Variants in THOC1 observed in about 807,000 individuals in gnomAD.
THOC1 encodes THO complex 1.
In THOC1, 29 loss-of-function variants were observed where a neutral mutation model predicts 97.3. The ratio of observed to expected loss-of-function variants is 0.30; its 90% confidence interval spans 0.22 to 0.41. The LOEUF is 0.41. THOC1 is among the 10% of genes least tolerant of loss of function. The pLI is 1.00. For missense variants in THOC1, 529 were observed against 761.9 expected (o/e 0.69, Z 3.60); for synonymous variants, 255 against 257.0 (o/e 0.99, Z 0.07).
intron 11 of THOC1, among the ~76,000 whole-genome samples, chr18:237,382 C>G (rs528223222): frequency 4.6e-5 from 7 of 152,054 alleles, no homozygotes; most frequent in Non-Finnish European, 8.8e-5. Context: ...ATCTCAAACT[C>G]CTGGCCTCAA....
chr18:246,086 T>C (rs980812581), intron 11 of THOC1: 12 of 308,800 alleles, frequency 3.9e-5, no homozygotes, highest in African/African-American at 1.1e-4. Context: ...ACTGCATTTA[T>C]TCCAAAATTA....
intron 9 of THOC1, among the ~76,000 whole-genome samples, chr18:249,242 T>C (rs958766447): frequency 2.0e-5 from 3 of 152,168 alleles, no homozygotes; most frequent in East Asian, 3.8e-4. Context: ...TTCCTAAACT[T>C]TTCCCTAGTA....
At chr18:265,205 A>C in intron 3 of THOC1, 98 bp downstream of exon 3, 1 of 932,806 alleles carries the variant, frequency 1.1e-6, no homozygotes. Flanking sequence ...CTCTAAAAAA[A>C]GATGTTTAAA....
rs996946759 is a variant in THOC1 at position 255,794 on chromosome 18, T to C, written c.521-1439A>G. Among the ~76,000 whole-genome samples the C allele has an allele frequency of 5.3e-5, 8 of 152,276 alleles. 1 individual carries two copies. In the Middle Eastern group the frequency reaches 0.01, roughly 194 times the overall value. ...GCCTTCAAGGGACAGGCTGACTCTC[T>C]TGTTAGGAGCTAATGCAGCTGGTGA... is the stretch of plus-strand genomic sequence containing the variant. On this transcript the variant is annotated intron_variant, in intron 7 of 20. Transcript: ENST00000261600.
At chr18:260,337 T>A in intron 4 of THOC1, 33 bp from the exon 5 acceptor site, 1 of 1,345,898 alleles carries the variant, frequency 7.4e-7, no homozygotes, top group Non-Finnish European at 1.0e-6. Flanking sequence ...TTTAAAAGTT[T>A]AAAAAACTGT....
At chr18:243,299 G>A (rs927630873) in intron 11 of THOC1, among the ~76,000 whole-genome samples, 6 of 152,196 alleles carry the variant, frequency 3.9e-5, no homozygotes, top group Admixed American at 6.5e-5. Flanking sequence ...CTATTAGAAA[G>A]CCAAGTGTGA....
chr18:234,157 A>G (rs1911593046), intron 11 of THOC1, among the ~76,000 whole-genome samples: 1 of 152,222 alleles, frequency 6.6e-6, no homozygotes, highest in South Asian at 2.1e-4. Context: ...CTGAAGTTTC[A>G]TTAGTTCTAA....
intron 11 of THOC1, among the ~76,000 whole-genome samples, chr18:236,761 G>C (rs1473206293): frequency 6.6e-6 from 1 of 152,158 alleles, no homozygotes; most frequent in East Asian, 1.9e-4. Flanking sequence ...GACGCTCAGA[G>C]CATCTGTGTA....
intron 11 of THOC1, among the ~76,000 whole-genome samples, chr18:231,351 CCTCT>C (rs1208189003): frequency 3.3e-5 from 5 of 152,120 alleles, no homozygotes; most frequent in Non-Finnish European, 4.4e-5. Context: ...TCCTTACATG[CCTCT>C]CTGTCAATCA....
intron 9 of THOC1, among the ~76,000 whole-genome samples, chr18:248,456 G>A (rs1455082518): frequency 6.6e-6 from 1 of 152,144 alleles, no homozygotes. Flanking sequence ...ACCGAGCAGT[G>A]CTCCCTTACC....
At chr18:253,316 A>T (rs997722736) in intron 8 of THOC1, among the ~76,000 whole-genome samples, 1 of 152,250 alleles carries the variant, frequency 6.6e-6, no homozygotes, top group Non-Finnish European at 1.5e-5. Flanking sequence ...CAGACGCTGC[A>T]GACTGATGCA....
chr18:267,289 C>A (rs909526127), intron 1 of THOC1, among the ~76,000 whole-genome samples: 15 of 152,138 alleles, frequency 9.9e-5, no homozygotes, highest in Non-Finnish European at 2.9e-5. Flanking sequence ...TGGGGGGTGT[C>A]AGCTTCTACC....
intron 1 of THOC1, among the ~76,000 whole-genome samples, chr18:267,168 G>A (rs1006484426): frequency 6.6e-6 from 1 of 152,074 alleles, no homozygotes; most frequent in East Asian, 1.9e-4. Context: ...TGCTAGAGAC[G>A]AATAGAGTCA....
chr18:246,553 A>G, intron 10 of THOC1, 98 bp from the exon 11 acceptor site: 2 of 998,602 alleles, frequency 2.0e-6, no homozygotes, highest in Non-Finnish European at 3.0e-6. Context: ...CCAGTCAATC[A>G]TGTATGTAGA....
Position 230,447 on chromosome 18 carries a change from C to G in THOC1, c.919-3546G>C, listed in dbSNP as rs912398294. On this transcript the variant is annotated intron_variant, in intron 11 of 20. Transcript: ENST00000261600. ...TATTTTTTTATGTTGAAAGATTTTC[C>G]TTGATAGAAACAATGGATTGAAAAT... Among the ~76,000 whole-genome samples the G allele has an allele frequency of 6.8e-4, 103 of 152,184 alleles. 1 individual carries two copies. Among genetic ancestry groups the G allele is most frequent in the African/African-American group, 2.3e-3 (95 of 41,522 alleles).
intron 11 of THOC1, among the ~76,000 whole-genome samples, chr18:236,726 G>A (rs1426687948): frequency 1.3e-5 from 2 of 152,130 alleles, no homozygotes; most frequent in Admixed American, 6.5e-5. Flanking sequence ...GAAGACAAAT[G>A]TACCAATGGC....
intron 17 of THOC1, among the ~76,000 whole-genome samples, chr18:222,343 G>T (rs184877202): frequency 6.6e-6 from 1 of 152,180 alleles, no homozygotes; most frequent in African/African-American, 2.4e-5. Flanking sequence ...TCCTTTCTGG[G>T]TTCAGTTTCC....
At chr18:266,992 A>G (rs1219286097) in intron 1 of THOC1, among the ~76,000 whole-genome samples, 3 of 141,478 alleles carry the variant, frequency 2.1e-5, no homozygotes, top group African/African-American at 7.9e-5. Context: ...GTGTGTATAT[A>G]TATATTATAC....
intron 17 of THOC1, among the ~76,000 whole-genome samples, chr18:220,600 G>T (rs1911043186): frequency 6.6e-6 from 1 of 152,084 alleles, no homozygotes; most frequent in Non-Finnish European, 1.5e-5. Flanking sequence ...GAATCTCTTA[G>T]CTGGAAACTG....
Sources: allele counts gnomAD v4.1 joint callset (sites outside exome capture counted in the v4.1 genomes callset), GRCh38; gene constraint gnomAD v4.1.1; transcripts MANE v1.5; gene names NCBI Gene and HGNC (gene_info 2026-07-23, HGNC 2026-07-21).